Variants in TENM4 observed in about 807,000 individuals in gnomAD.
The protein encoded by TENM4 is teneurin-4.
A neutral mutation model predicts 243.3 loss-of-function variants in TENM4; 82 were observed. That is an observed-to-expected ratio of 0.34 (90% confidence interval 0.28 to 0.40). TENM4 has a LOEUF of 0.40. Among genes scored for constraint, TENM4 ranks in the 10% least tolerant of loss-of-function variants. The pLI is 1.00. For missense variants in TENM4, 3,138 were observed against 3,673.3 expected, an observed-to-expected ratio of 0.85 and a Z score of 3.77; for synonymous variants, 1,412 against 1,456.3, an observed-to-expected ratio of 0.97 and a Z score of 0.69.
At chr11:79,066,644 GCA>G (rs544475684) in intron 5 of TENM4, among the ~76,000 whole-genome samples, 44 of 150,334 alleles carry the variant, frequency 2.9e-4, no homozygotes, top group Non-Finnish European at 4.6e-4. Context: ...ACACACAAGT[GCA>G]CACACACGTG....
intron 3 of TENM4, among the ~76,000 whole-genome samples, chr11:79,170,861 C>T (rs952499114): frequency 4.6e-5 from 7 of 152,124 alleles, no homozygotes; most frequent in South Asian, 2.1e-4. Flanking sequence ...CCTTTTTATG[C>T]GGGAGAGGAT....
chr11:79,428,503 C>T (rs534778944), intron 1 of TENM4, among the ~76,000 whole-genome samples: 97 of 152,318 alleles, frequency 6.4e-4, no homozygotes, highest in Admixed American at 1.3e-3. Flanking sequence ...TTGAAGAATG[C>T]TGAGGCCTTG....
At chr11:79,088,687 C>T (rs138676955) in intron 4 of TENM4, among the ~76,000 whole-genome samples, 23 of 152,304 alleles carry the variant, frequency 1.5e-4, no homozygotes, top group Admixed American at 5.2e-4. Flanking sequence ...TTCACTCCGG[C>T]CCAGATGCAG....
At chr11:79,252,479 C>T (rs572512489) in intron 2 of TENM4, among the ~76,000 whole-genome samples, 4 of 152,150 alleles carry the variant, frequency 2.6e-5, no homozygotes, top group Admixed American at 6.5e-5. Flanking sequence ...CCTCGTGATC[C>T]GCCCGCCTCG....
At chr11:79,052,705 T>G (rs1859829450) in intron 6 of TENM4, among the ~76,000 whole-genome samples, 9 of 152,150 alleles carry the variant, frequency 5.9e-5, no homozygotes, top group Admixed American at 5.9e-4. Flanking sequence ...TTCAGTCTCT[T>G]GGGGTCGCCA....
At chr11:79,010,155 C>T (rs11237683) in intron 6 of TENM4, among the ~76,000 whole-genome samples, 65,880 of 151,582 alleles carry the variant, frequency 0.43, 15,363 homozygotes, top group African/African-American at 0.62. Context: ...TCTTTATTAG[C>T]GGTGTGAGAA....
intron 4 of TENM4, among the ~76,000 whole-genome samples, chr11:79,127,991 C>T (rs1375570171): frequency 6.6e-6 from 1 of 152,166 alleles, no homozygotes; most frequent in Non-Finnish European, 1.5e-5. Flanking sequence ...TGTGTTACTC[C>T]AGCCCATTTA....
At chr11:79,327,709 T>C (rs533578356) in intron 1 of TENM4, among the ~76,000 whole-genome samples, 1 of 143,572 alleles carries the variant, frequency 7.0e-6, no homozygotes, top group East Asian at 2.2e-4. Flanking sequence ...AAACCAGACC[T>C]ACTAAGGAAA....
intron 2 of TENM4, among the ~76,000 whole-genome samples, chr11:79,294,537 T>C (rs1468886914): frequency 6.6e-6 from 1 of 151,976 alleles, no homozygotes; most frequent in African/African-American, 2.4e-5. Context: ...AGAATGTGAG[T>C]AGGCTCGTTC....
intron 2 of TENM4, among the ~76,000 whole-genome samples, chr11:79,234,198 C>G (rs1285605569): frequency 1.3e-5 from 2 of 152,206 alleles, no homozygotes; most frequent in African/African-American, 4.8e-5. Flanking sequence ...ACTTTCTTCC[C>G]TTTGACCTTC....
intron 2 of TENM4, among the ~76,000 whole-genome samples, chr11:79,237,292 G>A (rs185121870): frequency 5.4e-4 from 82 of 152,200 alleles, no homozygotes; most frequent in Admixed American, 3.3e-3. Flanking sequence ...AAGCTCCTCC[G>A]GAGGCCCCAC....
chr11:78,897,003 A>G lies in TENM4; in HGVS notation c.750-5667T>C, dbSNP rs557447413. ...CATCTGGGAACTCAGGTTTCAGGAGAGTTGCCACCATTAACTGACGAGAGT... is the reference window on the plus strand; with the variant it reads ...CATCTGGGAACTCAGGTTTCAGGAGGGTTGCCACCATTAACTGACGAGAGT... On this transcript the variant is annotated intron_variant, in intron 7 of 33. Transcript: ENST00000278550. Among the ~76,000 whole-genome samples, 19 of 152,228 alleles carry G rather than the reference A, an allele frequency of 1.2e-4. No individual in the cohort carries two copies. In the South Asian group the frequency reaches 3.7e-3, roughly 30 times the overall value.
At chr11:79,091,868 C>G (rs919205305) in intron 4 of TENM4, among the ~76,000 whole-genome samples, 1 of 152,148 alleles carries the variant, frequency 6.6e-6, no homozygotes, top group Non-Finnish European at 1.5e-5. Context: ...CGCATGCTGC[C>G]CTCCCCTAGA....
At chr11:79,092,765 A>G (rs1282004851) in intron 4 of TENM4, 1 of 152,224 alleles carries the variant, frequency 6.6e-6, no homozygotes, top group Non-Finnish European at 1.5e-5. Flanking sequence ...GATGTTTAGA[A>G]TACAAAGATA....
chr11:78,901,575 C>T (rs998535878), intron 7 of TENM4, among the ~76,000 whole-genome samples: 1 of 152,080 alleles, frequency 6.6e-6, no homozygotes, highest in African/African-American at 2.4e-5. Context: ...TAACTTGATC[C>T]TAAGTGGGAA....
chr11:79,100,918 C>T (rs1399073499), intron 4 of TENM4, among the ~76,000 whole-genome samples: 2 of 152,176 alleles, frequency 1.3e-5, no homozygotes, highest in Non-Finnish European at 2.9e-5. Flanking sequence ...TTCCCATCCC[C>T]CAGAAAAGGT....
At chr11:79,347,062 A>T (rs141698796) in intron 1 of TENM4, among the ~76,000 whole-genome samples, 72 of 152,238 alleles carry the variant, frequency 4.7e-4, no homozygotes, top group African/African-American at 1.5e-3. Context: ...ATCACTAGGG[A>T]TGCATCTTAC....
chr11:79,271,021 T>C (rs1026259517), intron 2 of TENM4, among the ~76,000 whole-genome samples: 6 of 152,178 alleles, frequency 3.9e-5, no homozygotes, highest in Non-Finnish European at 1.5e-5. Flanking sequence ...AACTCTGATC[T>C]AGGTCATTGA....
chr11:79,355,537 C>A (rs956673205), intron 1 of TENM4, among the ~76,000 whole-genome samples: 3 of 152,140 alleles, frequency 2.0e-5, no homozygotes, highest in Non-Finnish European at 4.4e-5. Flanking sequence ...CATCTCCAAA[C>A]AAACAAACAA....
Sources: gnomAD v4.1 joint callset for allele counts (sites outside exome capture counted in the v4.1 genomes callset) on GRCh38, gnomAD v4.1.1 for gene constraint, MANE v1.5 for transcripts, NCBI Gene and HGNC (gene_info 2026-07-23, HGNC 2026-07-21) for gene names.